RPS6KC1: variants seen among roughly 807,000 people sequenced by gnomAD.
The protein encoded by RPS6KC1 is inactive ribosomal protein S6 kinase delta-1.
A neutral mutation model predicts 103.8 loss-of-function variants in RPS6KC1; 54 were observed. That is an observed-to-expected ratio of 0.52 (90% CI 0.42 to 0.65). RPS6KC1 has a LOEUF of 0.65. RPS6KC1 is among the 30% of genes least tolerant of loss of function. The pLI is 0.00. For missense variants in RPS6KC1, 1,151 were observed against 1,253.8 expected (o/e 0.92, Z 1.24); for synonymous variants, 439 against 438.7 (o/e 1.00, Z -0.01).
chr1:213,803,937 A>C, the RPS6KC1 span, among the ~76,000 whole-genome samples: 1 of 144,266 alleles, frequency 6.9e-6, no homozygotes, highest in Admixed American at 6.9e-5. Context: ...CTTTCTCGGG[A>C]AGATCACACA....
chr1:213,339,720 A>G, the RPS6KC1 span, among the ~76,000 whole-genome samples: 1 of 152,232 alleles, frequency 6.6e-6, no homozygotes, highest in Non-Finnish European at 1.5e-5. Flanking sequence ...ATTAAGGCTC[A>G]CAGAGGCTGC....
the RPS6KC1 span, among the ~76,000 whole-genome samples, chr1:213,784,647 G>A: frequency 6.6e-6 from 1 of 152,168 alleles, no homozygotes; most frequent in Non-Finnish European, 1.5e-5. Flanking sequence ...TAAGTGATGG[G>A]AGCCCAGAAC....
the RPS6KC1 span, among the ~76,000 whole-genome samples, chr1:213,362,156 G>A: frequency 2.5e-3 from 383 of 152,308 alleles, 2 homozygotes; most frequent in African/African-American, 8.9e-3. Context: ...AGGGAGAGGG[G>A]CACAGCAGAG....
chr1:213,742,365 A>G, the RPS6KC1 span, among the ~76,000 whole-genome samples: 1 of 152,184 alleles, frequency 6.6e-6, no homozygotes, highest in Admixed American at 6.5e-5. Flanking sequence ...AACTTATTTG[A>G]CGTAGAATCT....
chr1:213,476,870 G>C, the RPS6KC1 span, among the ~76,000 whole-genome samples: 1 of 152,214 alleles, frequency 6.6e-6, no homozygotes, highest in African/African-American at 2.4e-5. Flanking sequence ...TGCTGTAAGA[G>C]ACAGGGCTTA....
At chr1:213,788,127 C>T in the RPS6KC1 span, among the ~76,000 whole-genome samples, 1 of 152,122 alleles carries the variant, frequency 6.6e-6, no homozygotes, top group African/African-American at 2.4e-5. Flanking sequence ...TCTTCTTGAA[C>T]TGACTGACTT....
At chr1:213,079,881 G>GT (rs1426798777) in intron 3 of RPS6KC1, among the ~76,000 whole-genome samples, 1 of 146,530 alleles carries the variant, frequency 6.8e-6, no homozygotes, top group Non-Finnish European at 1.5e-5. Context: ...ACTTATATCT[G>GT]TATCTGTAAT....
At chr1:213,495,184 C>T in the RPS6KC1 span, among the ~76,000 whole-genome samples, 32 of 152,152 alleles carry the variant, frequency 2.1e-4, no homozygotes, top group African/African-American at 7.7e-4. Context: ...TAGAGAGCAA[C>T]ATTAAAAGTT....
chr1:213,147,544 C>T (rs1243922398), intron 6 of RPS6KC1, among the ~76,000 whole-genome samples: 1 of 152,082 alleles, frequency 6.6e-6, no homozygotes, highest in Non-Finnish European at 1.5e-5. Context: ...TATTCTGTTC[C>T]ACTCATCTAT....
the RPS6KC1 span, among the ~76,000 whole-genome samples, chr1:213,812,013 G>T: frequency 1.3e-5 from 2 of 152,154 alleles, no homozygotes; most frequent in East Asian, 3.8e-4. Flanking sequence ...TCTCAATAAA[G>T]ATATGTAATA....
At chr1:213,483,099 A>C in the RPS6KC1 span, among the ~76,000 whole-genome samples, 2 of 152,188 alleles carry the variant, frequency 1.3e-5, no homozygotes, top group African/African-American at 4.8e-5. Context: ...TAATTGTTAA[A>C]GTTACAATCA....
At chr1:213,189,554 G>T (rs1331423265) in intron 8 of RPS6KC1, among the ~76,000 whole-genome samples, 2 of 151,532 alleles carry the variant, frequency 1.3e-5, no homozygotes, top group Non-Finnish European at 2.9e-5. Context: ...GAATTTATGG[G>T]TTATATGAGA....
chr1:213,383,662 A>T, the RPS6KC1 span, among the ~76,000 whole-genome samples: 4 of 152,146 alleles, frequency 2.6e-5, no homozygotes, highest in South Asian at 2.1e-4. Context: ...GGTGAAATGC[A>T]GTCTTATGGA....
chr1:213,343,254 T>C, the RPS6KC1 span, among the ~76,000 whole-genome samples: 33 of 150,560 alleles, frequency 2.2e-4, no homozygotes, highest in East Asian at 6.4e-3. Flanking sequence ...AATGAAAAGT[T>C]AAGAGGTAGG....
At chr1:213,666,600 A>G in the RPS6KC1 span, among the ~76,000 whole-genome samples, 2,269 of 152,350 alleles carry the variant, frequency 0.015, 18 homozygotes, top group Non-Finnish European at 0.022. Flanking sequence ...TTGCCAGCCA[A>G]TATATATTTT....
chr1:213,150,728 CG>C (rs1572852870), intron 6 of RPS6KC1, among the ~76,000 whole-genome samples: 1 of 152,178 alleles, frequency 6.6e-6, no homozygotes, highest in African/African-American at 2.4e-5. Flanking sequence ...TACACAGACA[CG>C]GCAACCATCC....
chr1:213,300,507 T>C, the RPS6KC1 span, among the ~76,000 whole-genome samples: 1 of 152,226 alleles, frequency 6.6e-6, no homozygotes, highest in Non-Finnish European at 1.5e-5. Context: ...GTTTATTTGC[T>C]TTGGTCTCTA....
the RPS6KC1 span, among the ~76,000 whole-genome samples, chr1:213,335,806 G>T: frequency 6.6e-6 from 1 of 152,160 alleles, no homozygotes; most frequent in Admixed American, 6.5e-5. Context: ...ACCATATTTT[G>T]CTTATTATCT....
chr1:213,187,250 C>CT (rs758725965), intron 8 of RPS6KC1, among the ~76,000 whole-genome samples: 5,807 of 135,066 alleles, frequency 0.043, 158 homozygotes, highest in African/African-American at 0.072. Flanking sequence ...TCTTCTTCTT[C>CT]TTTTTTTTTT....
Sources: gnomAD v4.1 joint callset for allele counts (sites outside exome capture counted in the v4.1 genomes callset) on GRCh38, gnomAD v4.1.1 for gene constraint, MANE v1.5 for transcripts, NCBI Gene and HGNC (gene_info 2026-07-23, HGNC 2026-07-21) for gene names.